Variants in NEK4 observed in about 807,000 individuals in gnomAD.
NEK4 encodes the protein NIMA related kinase 4, also known as serine/threonine-protein kinase Nek4.
In NEK4, 86 loss-of-function variants were observed where a neutral mutation model predicts 98.4. The ratio of observed to expected loss-of-function variants is 0.87; its 90% CI spans 0.73 to 1.05. The LOEUF (loss-of-function observed/expected upper bound fraction) is 1.05, where lower values mean the gene tolerates loss of function less well. Among genes scored for constraint, NEK4 ranks in the 50% least tolerant of loss-of-function variants. The pLI is 0.00. For missense variants in NEK4, 898 were observed against 950.3 expected (o/e 0.94, Z 0.72); for synonymous variants, 328 against 342.2 (o/e 0.96, Z 0.46).
intron 6 of NEK4, among the ~76,000 whole-genome samples, chr3:52,758,989 C>T (rs1377996949): frequency 6.7e-6 from 1 of 150,080 alleles, no homozygotes; most frequent in Non-Finnish European, 1.5e-5. Context: ...AATCGGAAGG[C>T]TGAGGTAGGA....
chr3:52,712,066 A>G (rs2097350935), intron 15 of NEK4, among the ~76,000 whole-genome samples, 197 bp from the exon 16 acceptor site: 1 of 152,254 alleles, frequency 6.6e-6, no homozygotes, highest in Non-Finnish European at 1.5e-5. Flanking sequence ...GCAAACAAAC[A>G]ATAAACTAGG....
intron 7 of NEK4, among the ~76,000 whole-genome samples, chr3:52,751,011 G>T (rs1457180562): frequency 6.6e-6 from 1 of 152,104 alleles, no homozygotes; most frequent in African/African-American, 2.4e-5. Context: ...AAAACATCAG[G>T]TTAAGTAAAA....
At chr3:52,714,556 G>A (rs1488749437) in intron 15 of NEK4, among the ~76,000 whole-genome samples, 4 of 152,208 alleles carry the variant, frequency 2.6e-5, no homozygotes, top group South Asian at 2.1e-4. Flanking sequence ...TTCAGCTGTG[G>A]GGAGGGCAAG....
At position 52,711,696 on chromosome 3, in the gene NEK4, A is replaced by C; in HGVS notation, c.*81T>G. Reference sequence around the variant, plus strand: ...ATAAAACAGTGGTGAGTGGCTTCCAAATGACTGTTTGCCCTTGCTTTTTAA... The same window carrying C: ...ATAAAACAGTGGTGAGTGGCTTCCACATGACTGTTTGCCCTTGCTTTTTAA... On this transcript the variant is annotated 3_prime_UTR_variant, in exon 16 of 16. Transcript: ENST00000233027. 5 of 820,588 alleles carry C rather than the reference A, an allele frequency of 6.1e-6. No individual in the cohort carries two copies. Among genetic ancestry groups the C allele is most frequent in the Non-Finnish European group, 1.0e-5 (5 of 477,604 alleles). 50.8% of individuals were successfully genotyped at this position (820,588 alleles called of 1,614,324 possible).
intron 10 of NEK4, among the ~76,000 whole-genome samples, 174 bp from the exon 11 acceptor site, chr3:52,744,479 T>C (rs1268702836): frequency 1.3e-5 from 2 of 151,488 alleles, no homozygotes; most frequent in East Asian, 1.9e-4. Context: ...AGGTCAGGAG[T>C]TCGAGGCCAG....
chr3:52,758,023 A>C (rs1698191714), intron 6 of NEK4, among the ~76,000 whole-genome samples: 1 of 151,716 alleles, frequency 6.6e-6, no homozygotes, highest in African/African-American at 2.4e-5. Context: ...TAAAAATACA[A>C]AAAAAATTAG....
At chr3:52,768,976 T>C (rs981051101) in intron 1 of NEK4, among the ~76,000 whole-genome samples, 1 of 152,102 alleles carries the variant, frequency 6.6e-6, no homozygotes, top group Admixed American at 6.5e-5. Flanking sequence ...TCCCAGCACT[T>C]TGGGAGGGTG....
In NEK4 at chr3:52,713,536, T is replaced by G. The variant is rs543882314; in HGVS notation, c.2434-1667A>C. Among the ~76,000 whole-genome samples, 16 of 152,370 alleles carry G rather than the reference T, an allele frequency of 1.1e-4. 1 individual carries two copies. The highest frequency in any genetic ancestry group is 2.6e-4 in the African/African-American group (11 of 41,592). ...TCAGCCAGGCATAGTAGCTCACGCC[T>G]GTAATCCCAGCACTTTGGGAGGCCG... On this transcript the variant is annotated intron_variant, in intron 15 of 15. Transcript: ENST00000233027.
intron 15 of NEK4, among the ~76,000 whole-genome samples, chr3:52,736,986 G>C (rs1336584780): frequency 6.6e-6 from 1 of 152,172 alleles, no homozygotes; most frequent in African/African-American, 2.4e-5. Context: ...ACCCAGGCTA[G>C]AGTGCAGTAG....
intron 12 of NEK4, 56 bp downstream of exon 12, chr3:52,743,296 A>G (rs1327539800): frequency 1.4e-6 from 2 of 1,380,908 alleles, no homozygotes; most frequent in Admixed American, 3.4e-5. Context: ...GGTTTACTGC[A>G]TTAGGCCTGC....
At chr3:52,753,289 TG>T (rs2154105446) in intron 6 of NEK4, among the ~76,000 whole-genome samples, 1 of 152,108 alleles carries the variant, frequency 6.6e-6, no homozygotes, top group Non-Finnish European at 1.5e-5. Flanking sequence ...TTGACACAGT[TG>T]AGATCCTGTC....
chr3:52,766,278 G>A lies in NEK4; in HGVS notation c.458C>T (p.Ala153Val), dbSNP rs1318238571. 1 of 1,613,734 alleles carries A rather than the reference G, an allele frequency of 6.2e-7. No homozygotes were observed. The highest frequency in any genetic ancestry group is 1.3e-5 in the African/African-American group (1 of 74,888). Reference protein sequence around the residue: ...NIIKVGDLGIARVLENHCDMA... With the variant: ...NIIKVGDLGIVRVLENHCDMA... Reference sequence around the variant, plus strand: ...GTCACAGTGGTTCTCTAACACTCGGGCAATTCCTAGGTCCCCTACTTTGAT... The same window carrying A: ...GTCACAGTGGTTCTCTAACACTCGGACAATTCCTAGGTCCCCTACTTTGAT... Residue 153 changes from alanine to valine, a missense_variant, in exon 3 of 16, where the codon GCC becomes GTC. By Grantham distance (64) the Ala-to-Val change is moderately conservative (BLOSUM62 0). Coordinates refer to ENST00000233027, the MANE Select transcript of NEK4 (RefSeq NM_003157.6).
chr3:52,753,895 C>T (rs2097410027), intron 6 of NEK4: 3 of 348,656 alleles, frequency 8.6e-6, no homozygotes, highest in South Asian at 4.5e-5. Context: ...TTAGGCCAGG[C>T]GCGGTGGCTC....
At chr3:52,764,215 A>T (rs1213683893) in intron 4 of NEK4, among the ~76,000 whole-genome samples, 6 of 146,984 alleles carry the variant, frequency 4.1e-5, no homozygotes. Context: ...TGAACCAGAG[A>T]GGTGGAGGTT....
intron 15 of NEK4, among the ~76,000 whole-genome samples, chr3:52,713,700 G>A (rs1031652197): frequency 2.0e-4 from 31 of 151,580 alleles, no homozygotes; most frequent in Non-Finnish European, 2.4e-4. Flanking sequence ...AGGCTGAGGC[G>A]GAAGAATCGC....
At chr3:52,747,173 C>T (rs979529182) in intron 8 of NEK4, among the ~76,000 whole-genome samples, 27 of 152,038 alleles carry the variant, frequency 1.8e-4, no homozygotes, top group Non-Finnish European at 4.4e-5. Flanking sequence ...ACAAAAGAAG[C>T]GGGCCAGGCA....
intron 15 of NEK4, among the ~76,000 whole-genome samples, chr3:52,719,591 A>AT (rs1561284751): frequency 6.6e-6 from 1 of 151,222 alleles, no homozygotes; most frequent in African/African-American, 2.4e-5. Flanking sequence ...TCAAAAAAAA[A>AT]GAAAAAAAAA....
Position 52,760,834 on chromosome 3 carries a change from G to A in NEK4, c.924C>T (p.Pro308=). 1 of 1,610,972 alleles carries A rather than the reference G, an allele frequency of 6.2e-7. No individual in the cohort carries two copies. Among genetic ancestry groups the A allele is most frequent in the Non-Finnish European group, 8.5e-7 (1 of 1,177,494 alleles). ...GGGAGCCCTCAGAAGAGAGTGGTTGGGGGTGGATTACTTCATGATTTGATT... is the reference window on the plus strand; with the variant it reads ...GGGAGCCCTCAGAAGAGAGTGGTTGAGGGTGGATTACTTCATGATTTGATT... ...EAESNHEVIH[P]QPLSSEGSQT... Residue 308 remains proline (P), a synonymous_variant, in exon 6 of 16, where the codon CCC becomes CCT. Transcript: ENST00000233027.
At chr3:52,739,197 C>T (rs1299213438) in intron 14 of NEK4, among the ~76,000 whole-genome samples, 1 of 152,036 alleles carries the variant, frequency 6.6e-6, no homozygotes, top group Non-Finnish European at 1.5e-5. Context: ...GTCAGGAGTT[C>T]AATACCAGCC....
Sources: allele counts gnomAD v4.1 joint callset (sites outside exome capture counted in the v4.1 genomes callset), GRCh38; gene constraint gnomAD v4.1.1; transcripts MANE v1.5; gene names NCBI Gene and HGNC (gene_info 2026-07-23, HGNC 2026-07-21).